The following KIAA2012 variants were observed in gnomAD, a reference collection of about 807,000 sequenced individuals.
KIAA2012 encodes uncharacterized protein KIAA2012.
In KIAA2012, 125 loss-of-function variants were observed where a neutral mutation model predicts 150.6. The observed-to-expected ratio is 0.83, with a 90% CI of 0.72 to 0.96. The LOEUF (loss-of-function observed/expected upper bound fraction) is 0.96, where lower values mean the gene tolerates loss of function less well. Among genes scored for constraint, KIAA2012 ranks in the 40% least tolerant of loss-of-function variants. The pLI, the probability that KIAA2012 is intolerant of heterozygous loss-of-function variation, is 0.00. For missense variants in KIAA2012, 1,219 were observed against 1,354.9 expected (o/e 0.90, Z 1.57); for synonymous variants, 462 against 504.7 (o/e 0.92, Z 1.13).
intron 2 of KIAA2012, among the ~76,000 whole-genome samples, chr2:202,081,920 T>C (rs1054402194): frequency 6.6e-6 from 1 of 152,154 alleles, no homozygotes; most frequent in East Asian, 1.9e-4. Flanking sequence ...TTCACATGCA[T>C]GTGTGAATGT....
chr2:202,204,079 T>G (rs1268093248), intron 23 of KIAA2012, among the ~76,000 whole-genome samples: 4 of 10,520 alleles, frequency 3.8e-4, no homozygotes, highest in Non-Finnish European at 5.7e-4. Flanking sequence ...GTTTTTTGTT[T>G]TTTTTTTTTT....
At position 202,105,643 on chromosome 2, in the gene KIAA2012, A is replaced by G. The variant is rs980417544; in HGVS notation, c.1325-118A>G. 3.0e-6 allele frequency: 4 copies of G among 1,325,782 alleles called. No individual in the cohort carries two copies. In the African/African-American group the frequency reaches 4.4e-5, roughly 15 times the overall value. The allele number at this position is 1,325,782 out of a possible 1,614,324, so 82.1% of individuals were successfully genotyped here. Reference sequence around the variant, plus strand: ...AGCCCTCTCTGGAATCAGCAAATGGACACTGCTCCAACCAAACCACATGGT... The same window carrying G: ...AGCCCTCTCTGGAATCAGCAAATGGGCACTGCTCCAACCAAACCACATGGT... On this transcript the variant is annotated intron_variant, in intron 8 of 23. Transcript: ENST00000498697.
chr2:202,079,896 T>C (rs1173220293), intron 2 of KIAA2012, among the ~76,000 whole-genome samples: 3 of 152,202 alleles, frequency 2.0e-5, no homozygotes, highest in Non-Finnish European at 2.9e-5. Context: ...GATTAAATAA[T>C]GTATTTAAGA....
intron 22 of KIAA2012, 75 bp from the exon 23 acceptor site, chr2:202,202,354 A>C (rs1692547934): frequency 2.5e-6 from 1 of 400,946 alleles, no homozygotes; most frequent in Non-Finnish European, 4.4e-6. Flanking sequence ...ATCTAAAGTT[A>C]TCTTGCTGGC....
intron 12 of KIAA2012, among the ~76,000 whole-genome samples, chr2:202,133,130 A>ATATATATATATATATTTTTTTTTTTTTTT (rs1279080237): frequency 5.9e-5 from 4 of 67,774 alleles, no homozygotes; most frequent in Non-Finnish European, 8.8e-5. Context: ...ATATATATAT[A>ATATATATATATATATTTTTTTTTTTTTTT]TTTTTTTTTT....
intron 15 of KIAA2012, among the ~76,000 whole-genome samples, chr2:202,179,093 A>C (rs559619736): frequency 4.6e-5 from 7 of 152,358 alleles, no homozygotes; most frequent in African/African-American, 1.4e-4. Flanking sequence ...TGAATATTAG[A>C]GTCTTCCTTT....
rs967286346 is a variant in KIAA2012 at position 202,104,258 on chromosome 2, CA to C, written c.1324+1152del. Among the ~76,000 whole-genome samples the C allele has an allele frequency of 2.6e-5, 4 of 151,314 alleles. No homozygotes were observed. The highest frequency in any genetic ancestry group is 9.7e-5 in the African/African-American group (4 of 41,152). The stretch of plus-strand genomic sequence containing the variant: ...TCACTCTATGTAGATTTTACCTTGC[CA>C]AAAAAAATTACTCAGCTCCCTAAAA... On this transcript the variant is annotated intron_variant, in intron 8 of 23. Transcript: ENST00000498697. The surrounding 1 kb of genome is among the most constrained non-coding windows in gnomAD (Gnocchi z 4.3).
At chr2:202,096,870 T>A (rs984620502) in intron 4 of KIAA2012, among the ~76,000 whole-genome samples, 3 of 152,212 alleles carry the variant, frequency 2.0e-5, no homozygotes, top group African/African-American at 7.2e-5. Flanking sequence ...ATCTGTTGAC[T>A]CAGATCCTTC....
intron 4 of KIAA2012, among the ~76,000 whole-genome samples, chr2:202,096,060 G>A (rs556320849): frequency 5.3e-5 from 8 of 152,062 alleles, no homozygotes; most frequent in South Asian, 4.2e-4. Flanking sequence ...CTCCAGCCTG[G>A]GCAACAGAGT....
chr2:202,113,474 T>G, intron 11 of KIAA2012, 28 bp downstream of exon 11: 1 of 1,472,938 alleles, frequency 6.8e-7, no homozygotes, highest in Non-Finnish European at 9.1e-7. Flanking sequence ...AGGGCAGCCT[T>G]GTTTTTTTTT....
chr2:202,101,263 C>T (rs1361363362), intron 7 of KIAA2012, among the ~76,000 whole-genome samples: 1 of 152,246 alleles, frequency 6.6e-6, no homozygotes, highest in Non-Finnish European at 1.5e-5. Context: ...GCCATGGGCA[C>T]TCCAGGTGGT....
At chr2:202,146,250 C>T (rs535491634) in intron 13 of KIAA2012, among the ~76,000 whole-genome samples, 34 of 152,234 alleles carry the variant, frequency 2.2e-4, no homozygotes, top group African/African-American at 7.9e-4. Flanking sequence ...CATCCATAAT[C>T]CCAGCACTTT....
chr2:202,140,178 A>C (rs1431454007), intron 13 of KIAA2012, among the ~76,000 whole-genome samples: 1 of 152,228 alleles, frequency 6.6e-6, no homozygotes. Context: ...CAATGAGCCA[A>C]GATCACTCCA....
At chr2:202,122,723 C>G (rs1303702789) in intron 11 of KIAA2012, among the ~76,000 whole-genome samples, 1 of 152,158 alleles carries the variant, frequency 6.6e-6, no homozygotes, top group Non-Finnish European at 1.5e-5. Context: ...AGGCTGGTCT[C>G]AAACTCCTGA....
chr2:202,075,010 G>C lies in KIAA2012; in HGVS notation c.204G>C (p.Lys68Asn). ...LFLPKTFSTRKGALILYSEGF... is the reference protein window; with the variant it reads ...LFLPKTFSTRNGALILYSEGF... ...TCCCTAAAACTTTCAGTACTAGAAAGGGTGCCCTGATCCTGTACTCAGAAG... is the reference window on the plus strand; with the variant it reads ...TCCCTAAAACTTTCAGTACTAGAAACGGTGCCCTGATCCTGTACTCAGAAG... The change falls in exon 2 of 24, where the codon AAG (lysine) becomes AAC (asparagine). Residue 68 changes from lysine to asparagine, a missense_variant. Coordinates refer to ENST00000498697, the MANE Select transcript of KIAA2012 (RefSeq NM_001277372.4). The C allele has an allele frequency of 6.4e-7, 1 of 1,550,648 alleles. No individual in the cohort carries two copies. Among genetic ancestry groups the C allele is most frequent in the Non-Finnish European group, 8.7e-7 (1 of 1,147,008 alleles).
chr2:202,150,354 G>T (rs1390726353), intron 13 of KIAA2012, among the ~76,000 whole-genome samples: 1 of 152,204 alleles, frequency 6.6e-6, no homozygotes, highest in East Asian at 1.9e-4. Context: ...TGAAGGGATG[G>T]GTTCTGTTTT....
intron 15 of KIAA2012, chr2:202,179,562 C>A: frequency 1.5e-6 from 1 of 675,824 alleles, no homozygotes. Context: ...GTGCACACAG[C>A]TCGAAACTAG....
chr2:202,183,873 A>G (rs1030361687), intron 15 of KIAA2012, among the ~76,000 whole-genome samples: 6 of 152,088 alleles, frequency 3.9e-5, no homozygotes, highest in African/African-American at 1.2e-4. Context: ...AAACCTCCCA[A>G]TGTTATCTAT....
intron 10 of KIAA2012, among the ~76,000 whole-genome samples, chr2:202,110,922 T>C (rs1408525686): frequency 2.0e-5 from 3 of 152,194 alleles, no homozygotes; most frequent in African/African-American, 7.2e-5. Context: ...TGGTCAAAAT[T>C]AAATCCCTTC....
Sources: allele counts gnomAD v4.1 joint callset (sites outside exome capture counted in the v4.1 genomes callset), GRCh38; gene constraint gnomAD v4.1.1; non-coding constraint Gnocchi (gnomAD v3.1); transcripts MANE v1.5; gene names NCBI Gene and HGNC (gene_info 2026-07-23, HGNC 2026-07-21).